The following BIRC6 variants were observed in gnomAD, a reference collection of about 807,000 sequenced individuals.
The protein encoded by BIRC6 is baculoviral IAP repeat containing 6, also known as dual E2 ubiquitin-conjugating enzyme/E3 ubiquitin-protein ligase BIRC6.
BIRC6 carries 98 observed loss-of-function variants against 503.3 expected under a neutral mutation model. The observed-to-expected ratio is 0.19, with a 90% CI of 0.17 to 0.23. BIRC6 has a LOEUF of 0.23. BIRC6 is among the 10% of genes least tolerant of loss of function. The pLI is 1.00. For synonymous variants in BIRC6, 2,240 were observed against 2,078.7 expected, an observed-to-expected ratio of 1.08 and a Z score of -2.11; for missense variants, 5,360 against 5,806.0, an observed-to-expected ratio of 0.92 and a Z score of 2.50.
At chr2:32,614,625 C>T (rs1158930563) in intron 73 of BIRC6, among the ~76,000 whole-genome samples, 2 of 152,118 alleles carry the variant, frequency 1.3e-5, no homozygotes, top group Admixed American at 1.3e-4. Context: ...GTCAGGAGTT[C>T]AAGACCAGCC....
chr2:32,524,512 C>T (rs897264777), intron 57 of BIRC6, among the ~76,000 whole-genome samples: 4 of 152,156 alleles, frequency 2.6e-5, no homozygotes, highest in Non-Finnish European at 4.4e-5. Context: ...TTGAAAATAA[C>T]ATTCATTTCT....
At position 32,525,487 on chromosome 2, in the gene BIRC6, G is replaced by A. The variant is rs762079870; in HGVS notation, c.11779G>A (p.Ala3927Thr). 1.2e-6 allele frequency: 2 copies of A among 1,613,826 alleles called. No individual in the cohort carries two copies. The highest frequency in any genetic ancestry group is 4.5e-5 in the East Asian group (2 of 44,890). ...ASGLKSQSKR[A>T]VSATPPRPPS... ...AGGGCTGAAGTCTCAATCTAAACGT[G>A]CTGTGTCAGCTACACCACCTCGCCC... Residue 3927 changes from alanine to threonine, a missense_variant, in exon 59 of 74, where the codon GCT becomes ACT. Around this residue, in one of 16 missense-constraint regions of BIRC6, gnomAD observed 878 missense variants for 928.9 expected, o/e 0.95. Coordinates refer to ENST00000421745, the MANE Select transcript of BIRC6 (RefSeq NM_016252.4).
intron 61 of BIRC6, among the ~76,000 whole-genome samples, chr2:32,537,984 A>G (rs968962114): frequency 7.2e-5 from 11 of 152,078 alleles, no homozygotes; most frequent in African/African-American, 2.7e-4. Context: ...AAAGCAAACA[A>G]AAAAAACAAT....
intron 43 of BIRC6, among the ~76,000 whole-genome samples, chr2:32,490,408 G>A (rs1043037074): frequency 7.2e-5 from 11 of 152,216 alleles, no homozygotes; most frequent in African/African-American, 2.4e-4. Context: ...GTTAGTGGGC[G>A]CCTGTAGTCC....
rs1336985109 is a variant in BIRC6, at chr2:32,469,546, T to C, written c.6279T>C (p.Gly2093=). The C allele has an allele frequency of 6.2e-7, 1 of 1,613,908 alleles. No homozygotes were observed. Residue 2093 remains glycine, a synonymous_variant, in exon 30 of 74, where the codon GGT becomes GGC. Transcript: ENST00000421745. ...TGTGTGGTGGTGAAAGGTGGTGGGGTCAATTTCTTTCTAATGTCCTTCAGG... is the reference window on the plus strand; with the variant it reads ...TGTGTGGTGGTGAAAGGTGGTGGGGCCAATTTCTTTCTAATGTCCTTCAGG... ...VQLCGGERWW[G]QFLSNVLQEL... is the part of the protein sequence containing the mutation.
intron 45 of BIRC6, among the ~76,000 whole-genome samples, chr2:32,495,432 G>C (rs559183910): frequency 1.4e-4 from 22 of 152,160 alleles, no homozygotes; most frequent in Non-Finnish European, 2.8e-4. Context: ...CTGGTATTCT[G>C]TGAAAGATCC....
chr2:32,424,182 T>C (rs2043226147), intron 10 of BIRC6, among the ~76,000 whole-genome samples: 1 of 152,180 alleles, frequency 6.6e-6, no homozygotes, highest in Admixed American at 6.5e-5. Context: ...GCTATTTTGT[T>C]GTTGTTCATC....
intron 22 of BIRC6, among the ~76,000 whole-genome samples, chr2:32,450,555 A>G (rs1429454427): frequency 6.6e-6 from 1 of 152,100 alleles, no homozygotes; most frequent in African/African-American, 2.4e-5. Flanking sequence ...TGTTGTTGTT[A>G]ATGGCATCAG....
intron 36 of BIRC6, 130 bp downstream of exon 36, chr2:32,478,948 C>A: frequency 1.2e-6 from 1 of 829,870 alleles, no homozygotes; most frequent in Non-Finnish European, 1.9e-6. Flanking sequence ...TCTGTTTAAT[C>A]GGTGTGATGT....
chr2:32,391,892 A>C (rs2039280114), intron 4 of BIRC6, 147 bp from the exon 5 acceptor site: 4 of 553,428 alleles, frequency 7.2e-6, no homozygotes, highest in Non-Finnish European at 1.2e-5. Flanking sequence ...TACCGTTTTT[A>C]GTTTAAAGTA....
At chr2:32,537,503 G>A (rs1195813982) in intron 61 of BIRC6, among the ~76,000 whole-genome samples, 2 of 151,436 alleles carry the variant, frequency 1.3e-5, no homozygotes, top group African/African-American at 2.4e-5. Flanking sequence ...AACAAAATAA[G>A]CAAAAAAATC....
intron 23 of BIRC6, among the ~76,000 whole-genome samples, chr2:32,457,428 G>A (rs1049962008): frequency 4.0e-5 from 6 of 151,818 alleles, no homozygotes; most frequent in African/African-American, 1.5e-4. Context: ...TGTTTTTAGG[G>A]CTGATTATAT....
rs1479636265 is a variant in BIRC6 at position 32,499,515 on chromosome 2, C to G, written c.8469-32C>G. ...TCTTGTTGTATCTCTCTCTCTCTCT[C>G]TTTTTCTGTCTCTCTCTCTCTCTCT... On this transcript the variant is annotated intron_variant, in intron 45 of 73. Coordinates refer to ENST00000421745, the MANE Select transcript of BIRC6 (RefSeq NM_016252.4). The G allele has an allele frequency of 4.1e-6, 6 of 1,481,068 alleles. No homozygotes were observed. The African/African-American group carries it at 4.2e-5, about 10-fold the overall frequency. The allele number at this position is 1,481,068 out of a possible 1,614,324, so 91.7% of individuals were successfully genotyped here. A position where few individuals can be genotyped will look rare whatever the true frequency, so the allele number is the denominator to read the frequency against.
chr2:32,574,332 G>T (rs373827089), intron 65 of BIRC6, among the ~76,000 whole-genome samples: 1 of 151,730 alleles, frequency 6.6e-6, no homozygotes, highest in African/African-American at 2.4e-5. Context: ...TGCCCAGGCC[G>T]GTCTCAAACT....
chr2:32,519,725 C>G (rs542278629), intron 57 of BIRC6, among the ~76,000 whole-genome samples: 6 of 152,222 alleles, frequency 3.9e-5, no homozygotes, highest in African/African-American at 9.6e-5. Flanking sequence ...ACCATGTTGG[C>G]CAGGCTGGTC....
At chr2:32,424,558 A>G (rs945909770) in intron 10 of BIRC6, among the ~76,000 whole-genome samples, 2 of 149,766 alleles carry the variant, frequency 1.3e-5, no homozygotes, top group Non-Finnish European at 3.0e-5. Context: ...CTTGTTGCCC[A>G]GGCTGGAGTG....
intron 8 of BIRC6, among the ~76,000 whole-genome samples, chr2:32,403,717 A>T (rs1250363352): frequency 6.6e-6 from 1 of 152,092 alleles, no homozygotes; most frequent in African/African-American, 2.4e-5. Context: ...CATAATATTT[A>T]TTTTGCATGT....
intron 46 of BIRC6, 78 bp from the exon 47 acceptor site, chr2:32,501,635 T>A: frequency 3.2e-6 from 4 of 1,245,124 alleles, no homozygotes; most frequent in Non-Finnish European, 4.4e-6. Flanking sequence ...CCTCCCAAAG[T>A]GTTGAGATTA....
intron 8 of BIRC6, among the ~76,000 whole-genome samples, chr2:32,404,950 C>T (rs1345314840): frequency 6.6e-6 from 1 of 152,178 alleles, no homozygotes; most frequent in African/African-American, 2.4e-5. Flanking sequence ...GTGTGAGTCA[C>T]TGTGCCTGTT....
Sources: gnomAD v4.1 joint callset for allele counts (sites outside exome capture counted in the v4.1 genomes callset) on GRCh38, gnomAD v4.1.1 for gene constraint, gnomAD v4.1.1 regional missense constraint, MANE v1.5 for transcripts, NCBI Gene and HGNC (gene_info 2026-07-23, HGNC 2026-07-21) for gene names.